NME7: variants seen among roughly 807,000 people sequenced by gnomAD.
NME7 encodes the protein nucleoside diphosphate kinase 7.
A neutral mutation model predicts 49.1 loss-of-function variants in NME7; 41 were observed. That is an observed-to-expected ratio of 0.83 (90% CI 0.65 to 1.08). NME7 has a LOEUF of 1.08. Among genes scored for constraint, NME7 ranks in the 50% least tolerant of loss-of-function variants. The probability of loss-of-function intolerance (pLI) is 0.00; values close to 1 mark genes in which losing one functional copy is unlikely to be tolerated. For synonymous variants in NME7, 139 were observed against 150.6 expected (o/e 0.92, Z 0.56); for missense variants, 423 against 463.4 (o/e 0.91, Z 0.80).
intron 10 of NME7, among the ~76,000 whole-genome samples, chr1:169,193,617 G>A (rs906544698): frequency 6.6e-6 from 1 of 152,186 alleles, no homozygotes; most frequent in Non-Finnish European, 1.5e-5. Context: ...CAGCACATGT[G>A]TATTACAGAG....
intron 10 of NME7, among the ~76,000 whole-genome samples, chr1:169,228,053 C>CAA (rs1367746026): frequency 6.6e-6 from 1 of 151,346 alleles, no homozygotes; most frequent in Non-Finnish European, 1.5e-5. Context: ...CACACACACA[C>CAA]ACACACACAC....
At chr1:169,307,849 G>A (rs1319854396) in intron 4 of NME7, among the ~76,000 whole-genome samples, 2 of 151,982 alleles carry the variant, frequency 1.3e-5, no homozygotes, top group Admixed American at 6.6e-5. Flanking sequence ...GCGAAACTCC[G>A]TCTCTACTAA....
At chr1:169,298,145 G>A (rs1473525041) in intron 6 of NME7, among the ~76,000 whole-genome samples, 1 of 152,042 alleles carries the variant, frequency 6.6e-6, no homozygotes, top group Non-Finnish European at 1.5e-5. Flanking sequence ...GCTATATATA[G>A]GAAAATAATA....
intron 7 of NME7, among the ~76,000 whole-genome samples, chr1:169,276,797 T>A (rs1054100687): frequency 2.9e-5 from 4 of 136,338 alleles, no homozygotes; most frequent in African/African-American, 7.5e-5. Flanking sequence ...CAATTTTGGA[T>A]CTTTCCTGCT....
At chr1:169,135,263 G>T (rs538442277) in intron 11 of NME7, among the ~76,000 whole-genome samples, 13 of 152,204 alleles carry the variant, frequency 8.5e-5, no homozygotes, top group African/African-American at 3.1e-4. Flanking sequence ...TGCTCCAGCT[G>T]CACCTAATAC....
At chr1:169,214,716 G>A (rs567024560) in intron 10 of NME7, among the ~76,000 whole-genome samples, 1 of 152,346 alleles carries the variant, frequency 6.6e-6, no homozygotes, top group African/African-American at 2.4e-5. Context: ...AGCCTGCCAT[G>A]CTCAATGCCT....
At position 169,142,179 on chromosome 1, in the gene NME7, A is replaced by G. The variant is rs555571109; in HGVS notation, c.1099-9362T>C. On this transcript the variant is annotated intron_variant, in intron 11 of 11. Transcript: ENST00000367811. ...CTAAGGAAAGCCTATATGGCATAGT[A>G]AGATTCAAGTTCAACTTTAAACTTT... Among the ~76,000 whole-genome samples the G allele has an allele frequency of 3.3e-5, 5 of 152,348 alleles. No individual in the cohort carries two copies. The East Asian group carries it at 9.6e-4, about 29-fold the overall frequency.
chr1:169,202,449 A>G (rs1257767973), intron 10 of NME7, among the ~76,000 whole-genome samples: 4 of 152,176 alleles, frequency 2.6e-5, no homozygotes, highest in Non-Finnish European at 4.4e-5. Flanking sequence ...GCCTCCCTAT[A>G]AAACCATGAG....
At chr1:169,244,296 T>G (rs1305157809) in intron 7 of NME7, among the ~76,000 whole-genome samples, 1 of 152,148 alleles carries the variant, frequency 6.6e-6, no homozygotes, top group Admixed American at 6.5e-5. Flanking sequence ...TATTGTTTAT[T>G]AATAGTTCTA....
chr1:169,172,769 G>A (rs1186110872), intron 10 of NME7, among the ~76,000 whole-genome samples: 1 of 152,158 alleles, frequency 6.6e-6, no homozygotes, highest in Non-Finnish European at 1.5e-5. Flanking sequence ...TGAAAACACT[G>A]TTTCCTCTAT....
chr1:169,294,311 A>G (rs1245904176), intron 6 of NME7, among the ~76,000 whole-genome samples: 1 of 152,166 alleles, frequency 6.6e-6, no homozygotes, highest in Non-Finnish European at 1.5e-5. Flanking sequence ...AGGAAGAAAA[A>G]CCAATTAGTA....
At chr1:169,343,606 C>T (rs1033086776) in intron 1 of NME7, among the ~76,000 whole-genome samples, 11 of 152,006 alleles carry the variant, frequency 7.2e-5, no homozygotes, top group Non-Finnish European at 1.5e-4. Context: ...ATTCTCCTGC[C>T]TCAGCTTCCC....
intron 3 of NME7, among the ~76,000 whole-genome samples, chr1:169,320,879 CA>C (rs1481562675): frequency 2.0e-5 from 3 of 151,964 alleles, no homozygotes; most frequent in Non-Finnish European, 4.4e-5. Flanking sequence ...CAGTATTTGC[CA>C]GCATATTAAT....
rs1166979219 is a variant in NME7 at position 169,278,649 on chromosome 1, G to A, written c.754+8654C>T. ...TGATTTGAATTTCCTCCTATAGCTT[G>A]CAGTAGTTTGATCATGTGAAGCCTT... On this transcript the variant is annotated intron_variant, in intron 7 of 11. Transcript: ENST00000367811. 6.6e-5 allele frequency among the ~76,000 whole-genome samples: 10 copies of A among 152,232 alleles called. 2 individuals carry two copies. Among genetic ancestry groups the A allele is most frequent in the Non-Finnish European group, 4.4e-5 (3 of 68,012 alleles).
chr1:169,176,239 GCTA>G (rs1273291481), intron 10 of NME7, among the ~76,000 whole-genome samples: 1 of 152,126 alleles, frequency 6.6e-6, no homozygotes, highest in Admixed American at 6.5e-5. Context: ...AGACCCAGAG[GCTA>G]CTTTCTGCTA....
At chr1:169,337,998 G>A (rs1340105175) in intron 1 of NME7, among the ~76,000 whole-genome samples, 1 of 152,052 alleles carries the variant, frequency 6.6e-6, no homozygotes, top group Non-Finnish European at 1.5e-5. Context: ...ACAGACAGAA[G>A]GCAAACTCAA....
At chr1:169,346,959 C>T (rs886501232) in intron 1 of NME7, among the ~76,000 whole-genome samples, 1 of 152,204 alleles carries the variant, frequency 6.6e-6, no homozygotes, top group Non-Finnish European at 1.5e-5. Flanking sequence ...AGACAGAAGA[C>T]AGACAAGGCC....
intron 3 of NME7, among the ~76,000 whole-genome samples, chr1:169,318,918 C>G (rs1651754164): frequency 6.6e-6 from 1 of 151,742 alleles, no homozygotes; most frequent in African/African-American, 2.4e-5. Context: ...GCCATAACAA[C>G]CAGGGGAAGA....
intron 10 of NME7, among the ~76,000 whole-genome samples, chr1:169,213,029 C>A (rs1056140838): frequency 6.6e-6 from 1 of 151,850 alleles, no homozygotes; most frequent in African/African-American, 2.4e-5. Flanking sequence ...AGCATAGTGC[C>A]GAAGAGCTGT....
Sources: allele counts gnomAD v4.1 joint callset (sites outside exome capture counted in the v4.1 genomes callset), GRCh38; gene constraint gnomAD v4.1.1; transcripts MANE v1.5; gene names NCBI Gene and HGNC (gene_info 2026-07-23, HGNC 2026-07-21).